Variants in PPP1R9A observed in about 807,000 individuals in gnomAD.
The protein encoded by PPP1R9A is neurabin-1.
In PPP1R9A, 59 loss-of-function variants were observed where a neutral mutation model predicts 141.9. That is an observed-to-expected ratio of 0.42 (90% CI 0.34 to 0.52). PPP1R9A has a LOEUF of 0.52. Among genes scored for constraint, PPP1R9A ranks in the 20% least tolerant of loss-of-function variants. The probability of loss-of-function intolerance (pLI) is 0.10; values close to 1 mark genes in which losing one functional copy is unlikely to be tolerated. For missense variants in PPP1R9A, 1,444 were observed against 1,611.9 expected (o/e 0.90, Z 1.78); for synonymous variants, 500 against 569.7 (o/e 0.88, Z 1.74).
At chr7:94,914,275 A>G (rs557215857) in intron 2 of PPP1R9A, among the ~76,000 whole-genome samples, 60 of 152,264 alleles carry the variant, frequency 3.9e-4, no homozygotes, top group African/African-American at 1.4e-3. Context: ...CTTATTTATC[A>G]TCTTTGTATG....
At chr7:95,066,530 G>T (rs1812970028) in intron 2 of PPP1R9A, among the ~76,000 whole-genome samples, 1 of 151,922 alleles carries the variant, frequency 6.6e-6, no homozygotes, top group Non-Finnish European at 1.5e-5. Flanking sequence ...TAGAAGAGAA[G>T]ATACTATATG....
At chr7:94,923,677 T>TA (rs1180698531) in intron 2 of PPP1R9A, among the ~76,000 whole-genome samples, 1 of 152,348 alleles carries the variant, frequency 6.6e-6, no homozygotes, top group African/African-American at 2.4e-5. Context: ...TAGTATGTTA[T>TA]ATTTTTAGTT....
At chr7:95,288,428 T>C in intron 18 of PPP1R9A, 108 bp from the exon 19 acceptor site, 1 of 1,450,356 alleles carries the variant, frequency 6.9e-7, no homozygotes, top group Non-Finnish European at 9.1e-7. Flanking sequence ...CATATTTTGG[T>C]TTAAACATAA....
chr7:95,032,656 C>A (rs1019136504), intron 2 of PPP1R9A, among the ~76,000 whole-genome samples: 3 of 152,080 alleles, frequency 2.0e-5, no homozygotes, highest in African/African-American at 7.2e-5. Flanking sequence ...CTAGAAGTTC[C>A]ATTTTTCAGG....
chr7:95,198,013 A>G (rs915164527), intron 5 of PPP1R9A, among the ~76,000 whole-genome samples: 8 of 152,204 alleles, frequency 5.3e-5, no homozygotes, highest in African/African-American at 4.8e-5. Context: ...TCAATGGTAC[A>G]GGAAATTATG....
intron 5 of PPP1R9A, among the ~76,000 whole-genome samples, chr7:95,162,230 G>A (rs897510229): frequency 7.2e-5 from 11 of 151,988 alleles, no homozygotes; most frequent in Non-Finnish European, 1.6e-4. Context: ...ATGGTTTCCA[G>A]GAAGATATAA....
chr7:95,049,866 C>T (rs1190382390), intron 2 of PPP1R9A, among the ~76,000 whole-genome samples: 1 of 152,146 alleles, frequency 6.6e-6, no homozygotes, highest in African/African-American at 2.4e-5. Context: ...TTCTTTTTAG[C>T]TCTGAATAGT....
intron 2 of PPP1R9A, among the ~76,000 whole-genome samples, chr7:94,944,108 G>A (rs1003197048): frequency 6.6e-6 from 1 of 152,028 alleles, no homozygotes; most frequent in African/African-American, 2.4e-5. Context: ...TCAAATCAGG[G>A]TAACTGAGAT....
Position 95,250,275 on chromosome 7 carries a change from T to C in PPP1R9A, c.2396+20T>C, listed in dbSNP as rs1231202479. ...ACAAAAGTAAGCCGCTTCTAATAAC[T>C]AAAGAATAGTTATGTTTGTCTAAAG... On this transcript the variant is annotated intron_variant, in intron 10 of 19. Coordinates refer to ENST00000433360, the MANE Select transcript of PPP1R9A (RefSeq NM_001166160.2). 6 of 1,570,804 alleles carry C rather than the reference T, an allele frequency of 3.8e-6. No individual in the cohort carries two copies. The African/African-American group carries it at 8.2e-5, about 21-fold the overall frequency.
intron 1 of PPP1R9A, chr7:94,908,043 C>G (rs1033010579): frequency 6.7e-6 from 1 of 149,976 alleles, no homozygotes; most frequent in Non-Finnish European, 1.5e-5. Flanking sequence ...GGCGCCGAGC[C>G]GAGCCGCCGC....
chr7:95,065,097 A>G (rs998562673), intron 2 of PPP1R9A, among the ~76,000 whole-genome samples: 1 of 151,948 alleles, frequency 6.6e-6, no homozygotes, highest in African/African-American at 2.4e-5. Context: ...ACATGATCTC[A>G]CTCTGTCACT....
chr7:95,152,996 C>T (rs187274990), intron 4 of PPP1R9A, among the ~76,000 whole-genome samples: 4 of 152,070 alleles, frequency 2.6e-5, no homozygotes, highest in East Asian at 1.9e-4. Context: ...ACTACAGGCA[C>T]CTGCCACCAT....
chr7:94,942,843 A>G, intron 2 of PPP1R9A, among the ~76,000 whole-genome samples: 2 of 147,744 alleles, frequency 1.4e-5, no homozygotes, highest in Middle Eastern at 7.2e-3. Context: ...ATAAATAAAT[A>G]AATAAATAAA....
intron 9 of PPP1R9A, among the ~76,000 whole-genome samples, chr7:95,248,570 T>G (rs896292826): frequency 6.6e-6 from 1 of 152,204 alleles, no homozygotes; most frequent in African/African-American, 2.4e-5. Context: ...ATTCCTGTTT[T>G]AAATTGTCAT....
chr7:95,120,924 AT>A, intron 4 of PPP1R9A, 92 bp downstream of exon 4: 1 of 1,455,236 alleles, frequency 6.9e-7, no homozygotes, highest in Non-Finnish European at 9.3e-7. Flanking sequence ...TTGTTTGTTG[AT>A]TTTTTAGGAT....
chr7:94,909,324 CT>C (rs758403778), intron 1 of PPP1R9A, among the ~76,000 whole-genome samples: 1 of 152,084 alleles, frequency 6.6e-6, no homozygotes, highest in Non-Finnish European at 1.5e-5. Flanking sequence ...TTTTTTTCTC[CT>C]TGTTTTGATC....
intron 2 of PPP1R9A, among the ~76,000 whole-genome samples, chr7:94,974,942 A>G (rs766815423): frequency 4.6e-5 from 7 of 152,232 alleles, no homozygotes; most frequent in Non-Finnish European, 8.8e-5. Context: ...TCTGGTAAGC[A>G]GTAATAGAAT....
chr7:95,029,611 C>T (rs1477938409), intron 2 of PPP1R9A, among the ~76,000 whole-genome samples: 1 of 152,072 alleles, frequency 6.6e-6, no homozygotes, highest in East Asian at 1.9e-4. Context: ...GTGATTTTTC[C>T]ACTTAATAAC....
rs1372011980 is a variant in PPP1R9A at position 94,911,350 on chromosome 7, G to C, written c.1237G>C (p.Asp413His). Residue 413 changes from aspartate (D) to histidine (H), a missense_variant, in exon 2 of 20, where the codon GAC becomes CAC. By Grantham distance (81) the Asp-to-His change is moderately conservative. This residue lies in a region of PPP1R9A where 490 missense variants were observed against 521.1 expected (regional missense o/e 0.94). Coordinates refer to ENST00000433360, the MANE Select transcript of PPP1R9A (RefSeq NM_001166160.2). ...VYRVRSRYNSDWGETGTEQDE... is the reference protein window; with the variant it reads ...VYRVRSRYNSHWGETGTEQDE... ...TAGGGTGAGATCCAGGTATAATTCA[G>C]ACTGGGGAGAGACAGGCACTGAGCA... 1 of 1,614,116 alleles carries C rather than the reference G, an allele frequency of 6.2e-7. No individual in the cohort carries two copies. The highest frequency in any genetic ancestry group is 8.5e-7 in the Non-Finnish European group (1 of 1,180,012).
Sources: gnomAD v4.1 joint callset for allele counts (sites outside exome capture counted in the v4.1 genomes callset) on GRCh38, gnomAD v4.1.1 for gene constraint, gnomAD v4.1.1 regional missense constraint, MANE v1.5 for transcripts, NCBI Gene and HGNC (gene_info 2026-07-23, HGNC 2026-07-21) for gene names.